PKHD1L1: variants seen among roughly 807,000 people sequenced by gnomAD.
PKHD1L1 encodes the protein fibrocystin-L.
Under a neutral mutation model 462.9 loss-of-function variants are expected in PKHD1L1, and 434 were observed. The observed-to-expected ratio is 0.94, with a 90% confidence interval of 0.87 to 1.02. The LOEUF is 1.02. Among genes scored for constraint, PKHD1L1 ranks in the 50% least tolerant of loss-of-function variants. The pLI is 0.00. For missense variants in PKHD1L1, 5,202 were observed against 5,096.1 expected (o/e 1.02, Z -0.63); for synonymous variants, 1,781 against 1,750.0 (o/e 1.02, Z -0.44).
Position 109,443,859 on chromosome 8 carries a change from C to A in PKHD1L1, c.4748C>A (p.Thr1583Lys), listed in dbSNP as rs775717381. The part of the protein sequence containing the change: ...PSTGTVNELI[T>K]IIGHGFSNLP... ...ACTGGAACAGTAAATGAACTAATAACAATTATTGGACATGGCTTTAGTAAT... is the reference window on the plus strand; with the variant it reads ...ACTGGAACAGTAAATGAACTAATAAAAATTATTGGACATGGCTTTAGTAAT... Residue 1583 changes from threonine to lysine, a missense_variant, in exon 37 of 78, where the codon ACA becomes AAA. By Grantham distance (78) the Thr-to-Lys change is moderately conservative. Transcript: ENST00000378402. 5.0e-6 allele frequency: 8 copies of A among 1,613,746 alleles called. No homozygotes were observed. Among genetic ancestry groups the A allele is most frequent in the Middle Eastern group, 1.7e-4 (1 of 6,052 alleles).
chr8:109,452,776 A>C lies in PKHD1L1; in HGVS notation c.6566A>C (p.Lys2189Thr). The change falls in exon 43 of 78, where the codon AAA becomes ACA. Residue 2189 changes from lysine (K) to threonine (T), a missense_variant. This residue lies in a region of PKHD1L1 where 4,497 missense variants were observed against 4,336.8 expected (regional missense o/e 1.04). Transcript: ENST00000378402. ...AWSSNFSWGG[K>T]SPPEEGSLVV... is the part of the protein sequence containing the mutation. ...TCCTCCAATTTCTCATGGGGGGGAA[A>C]ATCTCCCCCAGAAGAAGGATCTCTT... 1 of 1,533,064 alleles carries C rather than the reference A, an allele frequency of 6.5e-7. No individual in the cohort carries two copies. The highest frequency in any genetic ancestry group is 8.8e-7 in the Non-Finnish European group (1 of 1,140,850). The allele number at this position is 1,533,064 out of a possible 1,614,324, so 95.0% of individuals were successfully genotyped here.
At chr8:109,389,499 AGT>A (rs55680302) in intron 8 of PKHD1L1, among the ~76,000 whole-genome samples, 12,099 of 140,562 alleles carry the variant, frequency 0.086, 527 homozygotes, top group African/African-American at 0.093. Flanking sequence ...ATCTTTTAAG[AGT>A]GTGTGTGTGT....
At chr8:109,388,723 C>T (rs1401024654) in intron 7 of PKHD1L1, among the ~76,000 whole-genome samples, 173 bp downstream of exon 7, 1 of 152,070 alleles carries the variant, frequency 6.6e-6, no homozygotes, top group Non-Finnish European at 1.5e-5. Flanking sequence ...TGCTACCTTA[C>T]AGTTAGGTCT....
chr8:109,497,852 A>C (rs1230907689), intron 65 of PKHD1L1, among the ~76,000 whole-genome samples: 1 of 152,090 alleles, frequency 6.6e-6, no homozygotes, highest in African/African-American at 2.4e-5. Flanking sequence ...GGTGGTAATG[A>C]CACTTCCTCC....
rs764317685 is a variant in PKHD1L1, at chr8:109,433,170, A to G, written c.3294A>G (p.Val1098=). Residue 1098 remains valine, a synonymous_variant, in exon 28 of 78, where the codon GTA becomes GTG. Transcript: ENST00000378402. ...CTGGATTTTCTCCTAGTTCAGCTGT[A>G]ACAGTCTCAGTTGGACCAGTAGGTT... The part of the protein sequence containing the change: ...VGSGFSPSSA[V]TVSVGPVGCS... 6 of 1,613,642 alleles carry G rather than the reference A, an allele frequency of 3.7e-6. No individual in the cohort carries two copies. In the South Asian group the frequency reaches 6.6e-5, roughly 18 times the overall value.
intron 50 of PKHD1L1, among the ~76,000 whole-genome samples, chr8:109,467,285 C>T (rs912142486): frequency 1.3e-5 from 2 of 152,084 alleles, no homozygotes; most frequent in African/African-American, 2.4e-5. Flanking sequence ...GCATTTGCAC[C>T]AGCCAAACGA....
chr8:109,486,026 C>T (rs187553957), intron 58 of PKHD1L1, among the ~76,000 whole-genome samples: 1 of 151,894 alleles, frequency 6.6e-6, no homozygotes, highest in East Asian at 1.9e-4. Flanking sequence ...GTTTGAAATG[C>T]ACCTGCTTGT....
At position 109,534,952 on chromosome 8, in the gene PKHD1L1, A is replaced by T. The variant is rs996344273; in HGVS notation, c.*4862A>T. Among the ~76,000 whole-genome samples the T allele has an allele frequency of 6.6e-6, 1 of 151,974 alleles. No individual in the cohort carries two copies. The highest frequency in any genetic ancestry group is 1.5e-5 in the Non-Finnish European group (1 of 67,976). On this transcript the variant is annotated 3_prime_UTR_variant, in exon 78 of 78. Transcript: ENST00000378402. Reference sequence around the variant, plus strand: ...GACTATGTATTCTTTCAATTTCTCTAAAGTGCTTAGCACACACTCTGCCCA... The same window carrying T: ...GACTATGTATTCTTTCAATTTCTCTTAAGTGCTTAGCACACACTCTGCCCA...
intron 21 of PKHD1L1, among the ~76,000 whole-genome samples, chr8:109,415,293 A>T (rs1323109344): frequency 6.6e-6 from 1 of 152,104 alleles, no homozygotes; most frequent in East Asian, 1.9e-4. Flanking sequence ...GGCATGAGAC[A>T]CCATGCCTGG....
chr8:109,410,821 C>T (rs1485512716), intron 19 of PKHD1L1, among the ~76,000 whole-genome samples: 3 of 148,448 alleles, frequency 2.0e-5, no homozygotes, highest in South Asian at 2.1e-4. Context: ...CTCCACCTCC[C>T]AAGTTCAAGC....
At position 109,433,339 on chromosome 8, in the gene PKHD1L1, T is replaced by C. The variant is rs1308288345; in HGVS notation, c.3340+123T>C. 4.6e-6 allele frequency: 4 copies of C among 863,450 alleles called. No individual in the cohort carries two copies. In the East Asian group the frequency reaches 7.3e-5, roughly 16 times the overall value. The allele number at this position is 863,450 out of a possible 1,614,324, so 53.5% of individuals were successfully genotyped here. On this transcript the variant is annotated intron_variant, in intron 28 of 77. Transcript: ENST00000378402. ...TCATGATCCAGTATTACAATTATCA[T>C]GATCCCTATGGGGTCATGAAATTGG... is the stretch of plus-strand genomic sequence containing the variant.
At chr8:109,453,259 G>A (rs946228383) in intron 43 of PKHD1L1, among the ~76,000 whole-genome samples, 3 of 152,122 alleles carry the variant, frequency 2.0e-5, no homozygotes, top group African/African-American at 7.2e-5. Context: ...CACTGATGTA[G>A]TGGGTCCCAG....
At position 109,394,468 on chromosome 8, in the gene PKHD1L1, T is replaced by A; in HGVS notation, c.794T>A (p.Met265Lys). 6.5e-7 allele frequency: 1 copy of A among 1,526,830 alleles called. No individual in the cohort carries two copies. The highest frequency in any genetic ancestry group is 8.8e-7 in the Non-Finnish European group (1 of 1,131,644). The allele number at this position is 1,526,830 out of a possible 1,614,324, so 94.6% of individuals were successfully genotyped here. A position where few individuals can be genotyped will look rare whatever the true frequency, so the allele number is the denominator to read the frequency against. ...YFVSSLNKIA[M>K]FQTYAEVTMI... ...GTTTCTTCTCTCAATAAAATTGCAA[T>A]GTTTCAAACATATGCAGGTATGTGA... Residue 265 changes from methionine to lysine, a missense_variant, in exon 10 of 78, where the codon ATG (methionine) becomes AAG (lysine). Met to Lys is a moderately conservative substitution (Grantham distance 95). Transcript: ENST00000378402.
intron 29 of PKHD1L1, among the ~76,000 whole-genome samples, chr8:109,435,573 T>C (rs1362626667): frequency 6.6e-6 from 1 of 152,234 alleles, no homozygotes; most frequent in Non-Finnish European, 1.5e-5. Context: ...CATCTTAGGT[T>C]ATTGAATTAA....
At chr8:109,389,499 A>AGTGTGTGTGTGTGT (rs55680302) in intron 8 of PKHD1L1, among the ~76,000 whole-genome samples, 2 of 140,768 alleles carry the variant, frequency 1.4e-5, no homozygotes, top group Non-Finnish European at 3.1e-5. Flanking sequence ...ATCTTTTAAG[A>AGTGTGTGTGTGTGT]GTGTGTGTGT....
chr8:109,525,415 G>T (rs570227932), intron 76 of PKHD1L1, among the ~76,000 whole-genome samples: 90 of 152,150 alleles, frequency 5.9e-4, no homozygotes, highest in Non-Finnish European at 6.3e-4. Flanking sequence ...AAACAAACCA[G>T]CCCCAAATCT....
chr8:109,381,012 G>A (rs951529034), intron 2 of PKHD1L1, among the ~76,000 whole-genome samples: 2 of 152,048 alleles, frequency 1.3e-5, no homozygotes, highest in Non-Finnish European at 2.9e-5. Context: ...AACCAACTGC[G>A]AATGGGAAAT....
Position 109,479,588 on chromosome 8 carries a change from GA to G in PKHD1L1, c.9131del (p.Asn3044IlefsTer12). 2 of 1,537,766 alleles carry G rather than the reference GA, an allele frequency of 1.3e-6. No individual in the cohort carries two copies. The highest frequency in any genetic ancestry group is 1.8e-6 in the Non-Finnish European group (2 of 1,118,974). ...TGATTCTTTTTGGCAATCATCACGA[GA>G]AAATAATTATACTGTACCTCACCCA... ...SNDSFWQSSRENNYTVPHPGA... is the reference protein window; with the variant it reads ...SNDSFWQSSRXNNYTVPHPGA... On this transcript the variant is annotated frameshift_variant, in exon 54 of 78. Coordinates refer to ENST00000378402, the MANE Select transcript of PKHD1L1 (RefSeq NM_177531.6). LOFTEE classifies it high-confidence loss of function.
chr8:109,423,723 A>G (rs1270132583), intron 23 of PKHD1L1, among the ~76,000 whole-genome samples: 2 of 152,152 alleles, frequency 1.3e-5, no homozygotes, highest in East Asian at 3.9e-4. Flanking sequence ...GAGAATTGAC[A>G]CCATTGTGAT....
Sources: gnomAD v4.1 joint callset for allele counts (sites outside exome capture counted in the v4.1 genomes callset) on GRCh38, gnomAD v4.1.1 for gene constraint, gnomAD v4.1.1 regional missense constraint, MANE v1.5 for transcripts, NCBI Gene and HGNC (gene_info 2026-07-23, HGNC 2026-07-21) for gene names.